The following RNF182 variants were observed in gnomAD, a reference collection of about 807,000 sequenced individuals.
RNF182 encodes the protein ring finger protein 182.
A neutral mutation model predicts 14.4 loss-of-function variants in RNF182; 15 were observed. That is an observed-to-expected ratio of 1.04 (90% confidence interval 0.70 to 1.60). The LOEUF is 1.60. Among genes scored for constraint, RNF182 ranks in the 40% most tolerant of loss-of-function variants. RNF182 has a pLI of 0.00. For synonymous variants in RNF182, 128 were observed against 122.9 expected (o/e 1.04, Z -0.27); for missense variants, 268 against 294.8 (o/e 0.91, Z 0.67).
intron 1 of RNF182, among the ~76,000 whole-genome samples, chr6:13,957,284 C>T (rs549179863): frequency 1.6e-4 from 24 of 152,258 alleles, no homozygotes; most frequent in Admixed American, 1.2e-3. Flanking sequence ...CATTATGTGG[C>T]TGTGTTGCAA....
chr6:13,934,675 G>T (rs886270880), intron 1 of RNF182, among the ~76,000 whole-genome samples: 29 of 152,158 alleles, frequency 1.9e-4, no homozygotes, highest in African/African-American at 7.0e-4. Context: ...CTTAATGCTG[G>T]CTGGCAGCTC....
intron 1 of RNF182, among the ~76,000 whole-genome samples, chr6:13,932,334 A>G (rs1020655519): frequency 1.3e-5 from 2 of 152,220 alleles, no homozygotes; most frequent in Non-Finnish European, 2.9e-5. Flanking sequence ...TTCAACTTGC[A>G]TATGTTAATA....
intron 1 of RNF182, among the ~76,000 whole-genome samples, chr6:13,956,674 T>C (rs73362401): frequency 0.015 from 2,243 of 152,262 alleles, 45 homozygotes; most frequent in African/African-American, 0.049. Context: ...GCTTAATGTA[T>C]CTTGGCTCAC....
chr6:13,936,531 G>A (rs940163006), intron 1 of RNF182, among the ~76,000 whole-genome samples: 4 of 152,210 alleles, frequency 2.6e-5, no homozygotes, highest in Admixed American at 1.3e-4. Flanking sequence ...GACAGCTCTT[G>A]TAAAAATCTC....
chr6:13,952,859 C>G (rs1759630620), intron 1 of RNF182, among the ~76,000 whole-genome samples: 1 of 152,168 alleles, frequency 6.6e-6, no homozygotes, highest in African/African-American at 2.4e-5. Context: ...AGGTACAATG[C>G]TTGTTTATAT....
At chr6:13,952,252 G>A (rs1296426245) in intron 1 of RNF182, among the ~76,000 whole-genome samples, 2 of 152,144 alleles carry the variant, frequency 1.3e-5, no homozygotes, top group Non-Finnish European at 2.9e-5. Flanking sequence ...GTTGTGAAGA[G>A]ATCTTCTCCA....
intron 1 of RNF182, among the ~76,000 whole-genome samples, chr6:13,925,714 T>C (rs908923989): frequency 6.6e-6 from 1 of 152,206 alleles, no homozygotes; most frequent in African/African-American, 2.4e-5. Flanking sequence ...AGGTATTGTG[T>C]TCATGCTGTA....
chr6:13,969,950 A>G (rs1042022039), intron 1 of RNF182, among the ~76,000 whole-genome samples: 1 of 152,186 alleles, frequency 6.6e-6, no homozygotes, highest in African/African-American at 2.4e-5. Context: ...CTGGTGAGAC[A>G]TACTTTAGCA....
chr6:13,957,344 A>G (rs777833707), intron 1 of RNF182, among the ~76,000 whole-genome samples: 8 of 152,220 alleles, frequency 5.3e-5, no homozygotes, highest in Non-Finnish European at 7.3e-5. Flanking sequence ...GAGAAAAGCC[A>G]CTGAGGGCAA....
At chr6:13,958,783 T>A (rs943667936) in intron 1 of RNF182, among the ~76,000 whole-genome samples, 13 of 152,130 alleles carry the variant, frequency 8.5e-5, no homozygotes, top group African/African-American at 2.7e-4. Context: ...TGAAAACGAG[T>A]AATTGGAGAG....
intron 1 of RNF182, among the ~76,000 whole-genome samples, chr6:13,968,427 T>C (rs897189235): frequency 1.3e-5 from 2 of 152,200 alleles, no homozygotes; most frequent in Admixed American, 1.3e-4. Context: ...TGATTAAAGA[T>C]CTACTACTGC....
intron 1 of RNF182, among the ~76,000 whole-genome samples, chr6:13,926,153 A>G (rs1194594858): frequency 1.3e-5 from 2 of 152,194 alleles, no homozygotes; most frequent in African/African-American, 4.8e-5. Context: ...TAACATATAA[A>G]ATTGTATATC....
In RNF182 at chr6:13,977,317, CT is replaced by C; in HGVS notation, c.199del (p.Cys67AlafsTer23). On this transcript the variant is annotated frameshift_variant, in exon 3 of 3. Transcript: ENST00000488300. LOFTEE classifies it high-confidence loss of function. ...CACAAGGTGTCATTGTCTGTCCTTT[CT>C]GCAGGTTTGAGACGTGCCTGCCAGA... The part of the protein sequence containing the change: ...SPQGVIVCPF[C>X]RFETCLPDDE... 1 of 1,614,218 alleles carries C rather than the reference CT, an allele frequency of 6.2e-7. No homozygotes were observed. Among genetic ancestry groups the C allele is most frequent in the Non-Finnish European group, 8.5e-7 (1 of 1,180,026 alleles).
intron 1 of RNF182, among the ~76,000 whole-genome samples, chr6:13,953,047 G>T (rs998577716): frequency 3.3e-5 from 5 of 152,166 alleles, no homozygotes; most frequent in Non-Finnish European, 7.4e-5. Context: ...GAATGCTTTT[G>T]TTCATAAGAC....
chr6:13,934,619 A>G (rs547940165), intron 1 of RNF182, among the ~76,000 whole-genome samples: 1 of 152,290 alleles, frequency 6.6e-6, no homozygotes, highest in African/African-American at 2.4e-5. Flanking sequence ...GTAGTTTGCC[A>G]TTTAGATAGG....
intron 1 of RNF182, among the ~76,000 whole-genome samples, chr6:13,960,330 A>G (rs748830185): frequency 5.9e-5 from 9 of 152,210 alleles, no homozygotes; most frequent in Non-Finnish European, 1.2e-4. Context: ...GGGCTACATC[A>G]TGAGTCCATC....
At chr6:13,940,291 A>G (rs1328077693) in intron 1 of RNF182, among the ~76,000 whole-genome samples, 1 of 152,142 alleles carries the variant, frequency 6.6e-6, no homozygotes, top group African/African-American at 2.4e-5. Context: ...TTATTTTGTC[A>G]ATATGGTAAT....
rs570981216 is a variant in RNF182 at position 13,948,628 on chromosome 6, A to G, written c.-367+23605A>G. 9.8e-5 allele frequency among the ~76,000 whole-genome samples: 15 copies of G among 152,330 alleles called. No homozygotes were observed. The South Asian group carries it at 3.1e-3, about 32-fold the overall frequency. ...TCTAAAAGGATTATCAAGTCAGGAA[A>G]GACTTATTAAGTCTTTAGGTCCTAC... On this transcript the variant is annotated intron_variant, in intron 1 of 2. Coordinates refer to ENST00000488300, the MANE Select transcript of RNF182 (RefSeq NM_152737.4).
At chr6:13,929,449 A>G (rs951150352) in intron 1 of RNF182, among the ~76,000 whole-genome samples, 1 of 152,106 alleles carries the variant, frequency 6.6e-6, no homozygotes, top group South Asian at 2.1e-4. Context: ...TAAATCTACA[A>G]TAAAAGGTTT....
Sources: allele counts gnomAD v4.1 joint callset (sites outside exome capture counted in the v4.1 genomes callset), GRCh38; gene constraint gnomAD v4.1.1; transcripts MANE v1.5; gene names NCBI Gene and HGNC (gene_info 2026-07-23, HGNC 2026-07-21).